CORIN: variants seen among roughly 807,000 people sequenced by gnomAD.
The protein encoded by CORIN is corin, serine peptidase, also known as atrial natriuretic peptide-converting enzyme.
Under a neutral mutation model 125.3 loss-of-function variants are expected in CORIN, and 117 were observed. The observed-to-expected ratio is 0.93, with a 90% CI of 0.80 to 1.09. CORIN has a LOEUF of 1.09. Ranked by LOEUF, CORIN falls within the 50% of genes least tolerant of loss-of-function variation. The pLI is 0.00. For synonymous variants in CORIN, 450 were observed against 466.4 expected, an observed-to-expected ratio of 0.96 and a Z score of 0.45; for missense variants, 1,253 against 1,306.7, an observed-to-expected ratio of 0.96 and a Z score of 0.63.
Position 47,777,012 on chromosome 4 carries a change from T to C in CORIN, c.409+9713A>G, listed in dbSNP as rs1730330390. Among the ~76,000 whole-genome samples the C allele has an allele frequency of 2.0e-5, 3 of 152,214 alleles. No individual in the cohort carries two copies. In the South Asian group the frequency reaches 6.2e-4, roughly 32 times the overall value. ...AAATAAAAAGAATTGAAATCGATCA[T>C]GTTTGTTTCTGAGCCTGTCTTATAG... On this transcript the variant is annotated intron_variant, in intron 3 of 21. Coordinates refer to ENST00000273857, the MANE Select transcript of CORIN (RefSeq NM_006587.4).
At chr4:47,835,952 C>T (rs1399633364) in intron 1 of CORIN, among the ~76,000 whole-genome samples, 1 of 152,288 alleles carries the variant, frequency 6.6e-6, no homozygotes, top group Admixed American at 6.5e-5. Context: ...AGGCTTTCAT[C>T]GTTGGTCCTG....
intron 3 of CORIN, among the ~76,000 whole-genome samples, chr4:47,776,930 A>C (rs1421304573): frequency 6.6e-6 from 1 of 152,218 alleles, no homozygotes; most frequent in Non-Finnish European, 1.5e-5. Context: ...TTTACAAAAA[A>C]AGTTGTATTT....
chr4:47,706,998 G>C, intron 5 of CORIN: 4 of 1,531,126 alleles, frequency 2.6e-6, no homozygotes, highest in Non-Finnish European at 3.5e-6. Context: ...TACAAGTAAA[G>C]TTTGTAAAAT....
chr4:47,678,358 G>A (rs1577816365), intron 8 of CORIN, among the ~76,000 whole-genome samples: 1 of 152,162 alleles, frequency 6.6e-6, no homozygotes, highest in East Asian at 1.9e-4. Context: ...TGTGCTAACT[G>A]CATTGTATAT....
chr4:47,704,482 G>A (rs1448372185), intron 5 of CORIN, among the ~76,000 whole-genome samples: 1 of 152,052 alleles, frequency 6.6e-6, no homozygotes, highest in Non-Finnish European at 1.5e-5. Context: ...ACGAGCCAGG[G>A]CAATAAGGGG....
At chr4:47,636,792 G>A (rs1260535456) in intron 16 of CORIN, among the ~76,000 whole-genome samples, 2 of 152,114 alleles carry the variant, frequency 1.3e-5, no homozygotes, top group Admixed American at 6.6e-5. Context: ...CCCAGACTCA[G>A]GAATGTCTTT....
chr4:47,597,667 A>C (rs1721306665), intron 21 of CORIN, among the ~76,000 whole-genome samples: 1 of 152,202 alleles, frequency 6.6e-6, no homozygotes, highest in Non-Finnish European at 1.5e-5. Context: ...CTCTCCTTAT[A>C]TAAAATAAAT....
chr4:47,825,581 C>G (rs1281863797), intron 1 of CORIN, among the ~76,000 whole-genome samples: 1 of 152,002 alleles, frequency 6.6e-6, no homozygotes, highest in African/African-American at 2.4e-5. Flanking sequence ...TGAATCCCAC[C>G]AAGCCCACAT....
chr4:47,762,747 T>TG (rs1322464387), intron 4 of CORIN, among the ~76,000 whole-genome samples: 1 of 152,198 alleles, frequency 6.6e-6, no homozygotes, highest in African/African-American at 2.4e-5. Flanking sequence ...CCTTGTCCTC[T>TG]GGTTGTGGAT....
intron 4 of CORIN, among the ~76,000 whole-genome samples, chr4:47,760,455 G>C (rs145651823): frequency 6.6e-6 from 1 of 152,172 alleles, no homozygotes; most frequent in African/African-American, 2.4e-5. Flanking sequence ...TCAAAAACCA[G>C]TTTGATGTAA....
chr4:47,708,520 A>T (rs1162767633), intron 5 of CORIN, among the ~76,000 whole-genome samples: 2 of 152,160 alleles, frequency 1.3e-5, no homozygotes, highest in African/African-American at 4.8e-5. Flanking sequence ...ATTGCCACAT[A>T]ACCTAATTAC....
chr4:47,744,634 T>A, intron 4 of CORIN, 51 bp from the exon 5 acceptor site: 1 of 1,487,278 alleles, frequency 6.7e-7, no homozygotes, highest in Non-Finnish European at 9.0e-7. Context: ...ACAGAATAGG[T>A]TTTGAAATAA....
intron 2 of CORIN, among the ~76,000 whole-genome samples, chr4:47,797,536 G>A (rs1012033259): frequency 2.6e-5 from 4 of 151,936 alleles, no homozygotes; most frequent in African/African-American, 9.7e-5. Flanking sequence ...TGCAGCAACA[G>A]CCTGATTCTA....
intron 1 of CORIN, among the ~76,000 whole-genome samples, chr4:47,810,619 T>G (rs898443253): frequency 3.9e-5 from 6 of 152,214 alleles, no homozygotes; most frequent in African/African-American, 1.4e-4. Context: ...AAATTTCAGA[T>G]AGCCAGTTCC....
chr4:47,623,242 C>A (rs1234826800), intron 19 of CORIN, among the ~76,000 whole-genome samples: 4 of 151,904 alleles, frequency 2.6e-5, no homozygotes, highest in African/African-American at 9.7e-5. Context: ...CCAAATAAAT[C>A]ACTTCTGTTT....
At chr4:47,603,141 ACC>A (rs1438382715) in intron 20 of CORIN, among the ~76,000 whole-genome samples, 8 of 152,074 alleles carry the variant, frequency 5.3e-5, no homozygotes, top group Non-Finnish European at 1.0e-4. Flanking sequence ...GGGGGCAGTT[ACC>A]CTCTTGATAG....
intron 3 of CORIN, 34 bp downstream of exon 3, chr4:47,786,691 A>T: frequency 5.8e-6 from 9 of 1,558,866 alleles, no homozygotes; most frequent in Non-Finnish European, 7.9e-6. Flanking sequence ...GTGGGACATT[A>T]AAAGCCTCTA....
At position 47,595,877 on chromosome 4, in the gene CORIN, A is replaced by G. The variant is rs754465485; in HGVS notation, c.2973T>C (p.Cys991=). 1.9e-6 allele frequency: 3 copies of G among 1,611,070 alleles called. No individual in the cohort carries two copies. The highest frequency in any genetic ancestry group is 2.5e-6 in the Non-Finnish European group (3 of 1,179,042). Residue 991 remains cysteine, a synonymous_variant, in exon 22 of 22, where the codon TGT becomes TGC. Transcript: ENST00000273857. ...ATGTCCACCGTCCTCCAGGCTTCTC[A>G]CAAACAAGAGGCCCACCGCTGTCAC... ...CMGDSGGPLV[C]EKPGGRWTLF... is the part of the protein sequence containing the mutation.
At chr4:47,782,045 A>T (rs1390187526) in intron 3 of CORIN, among the ~76,000 whole-genome samples, 1 of 152,186 alleles carries the variant, frequency 6.6e-6, no homozygotes, top group Non-Finnish European at 1.5e-5. Flanking sequence ...AAATATTTAC[A>T]CACCTAATGA....
Sources: gnomAD v4.1 joint callset for allele counts (sites outside exome capture counted in the v4.1 genomes callset) on GRCh38, gnomAD v4.1.1 for gene constraint, MANE v1.5 for transcripts, NCBI Gene and HGNC (gene_info 2026-07-23, HGNC 2026-07-21) for gene names.